Variants in BRD8 observed in about 807,000 individuals in gnomAD.
BRD8 encodes the protein bromodomain containing 8.
A neutral mutation model predicts 143.1 loss-of-function variants in BRD8; 67 were observed. The observed-to-expected ratio is 0.47, with a 90% confidence interval of 0.38 to 0.57. The LOEUF (loss-of-function observed/expected upper bound fraction) is 0.57. BRD8 is among the 20% of genes least tolerant of loss of function. BRD8 has a pLI of 0.00. For synonymous variants in BRD8, 505 were observed against 517.1 expected, an observed-to-expected ratio of 0.98 and a Z score of 0.32; for missense variants, 1,103 against 1,503.0, an observed-to-expected ratio of 0.73 and a Z score of 4.40.
Position 138,140,173 on chromosome 5 carries a change from G to A in BRD8, c.3616-7C>T. 1.3e-6 allele frequency: 2 copies of A among 1,598,682 alleles called. No homozygotes were observed. The highest frequency in any genetic ancestry group is 1.7e-6 in the Non-Finnish European group (2 of 1,166,166). On this transcript the variant is annotated splice_region_variant and splice_polypyrimidine_tract_variant and intron_variant, in intron 26 of 26. Coordinates refer to ENST00000254900, the MANE Select transcript of BRD8 (RefSeq NM_139199.2). ...CTAACCAGATATTCAGTACCTAAAG[G>A]GTTAAGGAACACATAGCAAGCTATT...
At chr5:138,174,309 C>A (rs937529939) in intron 2 of BRD8, among the ~76,000 whole-genome samples, 2 of 151,936 alleles carry the variant, frequency 1.3e-5, no homozygotes, top group African/African-American at 4.8e-5. Flanking sequence ...TAAATGTGTG[C>A]ACTGGCCGGG....
chr5:138,146,867 G>A (rs549312167), intron 23 of BRD8, among the ~76,000 whole-genome samples: 1 of 151,578 alleles, frequency 6.6e-6, no homozygotes, highest in South Asian at 2.1e-4. Flanking sequence ...CTACTTGGGA[G>A]GCTGAGGCAG....
rs1388971196 is a variant in BRD8 at position 138,166,032 on chromosome 5, A to C, written c.1074T>G (p.Ser358Arg). The change falls in exon 11 of 27, where the codon AGT (serine) becomes AGG (arginine). Residue 358 changes from serine to arginine, a missense_variant. By Grantham distance (110) the Ser-to-Arg change is moderately radical. Coordinates refer to ENST00000254900, the MANE Select transcript of BRD8 (RefSeq NM_139199.2). ...PHTVTVSMDS[S>R]EISMIINSIK... is the part of the protein sequence containing the mutation. ...TAGAATTGATGATCATGGATATTTCACTGCTGTCCATGGAAACAGTCACAG... is the reference window on the plus strand; with the variant it reads ...TAGAATTGATGATCATGGATATTTCCCTGCTGTCCATGGAAACAGTCACAG... 1 of 1,614,116 alleles carries C rather than the reference A, an allele frequency of 6.2e-7. No individual in the cohort carries two copies. Among genetic ancestry groups the C allele is most frequent in the Non-Finnish European group, 8.5e-7 (1 of 1,179,966 alleles).
Position 138,160,999 on chromosome 5 carries a change from C to T in BRD8, c.2319G>A (p.Gln773=), listed in dbSNP as rs1478341376. The change falls in exon 18 of 27, where the codon CAG becomes CAA. Residue 773 remains glutamine, a synonymous_variant. Coordinates refer to ENST00000254900, the MANE Select transcript of BRD8 (RefSeq NM_139199.2). ...NGLIRSTAEF[Q]RDIMLMFQNA... ...TCTGAAACATCAGCATAATGTCACGCTGAAATTCAGCTGTGCTTCGGATCA... is the reference window on the plus strand; with the variant it reads ...TCTGAAACATCAGCATAATGTCACGTTGAAATTCAGCTGTGCTTCGGATCA... 1 of 1,613,870 alleles carries T rather than the reference C, an allele frequency of 6.2e-7. No homozygotes were observed. Among genetic ancestry groups the T allele is most frequent in the South Asian group, 1.1e-5 (1 of 91,056 alleles).
chr5:138,152,244 C>T (rs1752402383), intron 21 of BRD8, among the ~76,000 whole-genome samples: 1 of 152,240 alleles, frequency 6.6e-6, no homozygotes. Context: ...CTGGCCTCAG[C>T]CTCCCAAAGT....
At chr5:138,165,726 CAAAAAAAAAA>C (rs374362323) in intron 11 of BRD8, 92 bp downstream of exon 11, 1 of 833,916 alleles carries the variant, frequency 1.2e-6, no homozygotes, top group Non-Finnish European at 1.6e-6. Flanking sequence ...ACTCTGTCTC[CAAAAAAAAAA>C]AAAAAAAAGC....
chr5:138,157,038 C>A, intron 20 of BRD8: 1 of 1,465,158 alleles, frequency 6.8e-7, no homozygotes, highest in Non-Finnish European at 9.0e-7. Flanking sequence ...TGCCCTAAAA[C>A]AGGCAATTGT....
At chr5:138,163,468 C>CAG in intron 14 of BRD8, 124 bp from the exon 15 acceptor site, 1 of 1,360,502 alleles carries the variant, frequency 7.4e-7, no homozygotes, top group Non-Finnish European at 1.0e-6. Flanking sequence ...TTTCCTGACT[C>CAG]AGCTGTCTAT....
At position 138,161,240 on chromosome 5, in the gene BRD8, T is replaced by C. The variant is rs116468778; in HGVS notation, c.2250-172A>G. On this transcript the variant is annotated intron_variant, in intron 17 of 26. Transcript: ENST00000254900. ...TGCACTTAACCCAAGAAACAATCTA[T>C]ATAATAAGCATTGAGAAAGGTAATA... The C allele has an allele frequency of 7.4e-4, 390 of 525,882 alleles. 2 individuals are homozygous for C. Among genetic ancestry groups the C allele is most frequent in the African/African-American group, 6.6e-3 (340 of 51,288 alleles). The allele number at this position is 525,882 out of a possible 1,614,324, so 32.6% of individuals were successfully genotyped here.
At chr5:138,175,642 C>T (rs1031941474) in intron 2 of BRD8, among the ~76,000 whole-genome samples, 1 of 151,128 alleles carries the variant, frequency 6.6e-6, no homozygotes, top group African/African-American at 2.4e-5. Context: ...GAGTTGGAGA[C>T]CAGCCTGGGG....
At chr5:138,176,097 CA>C (rs569355728) in intron 2 of BRD8, among the ~76,000 whole-genome samples, 43 of 151,994 alleles carry the variant, frequency 2.8e-4, no homozygotes, top group African/African-American at 9.7e-4. Context: ...AATTGTCTAT[CA>C]AGTGATGGAT....
At chr5:138,167,037 A>G (rs1561614620) in intron 9 of BRD8, 1 of 197,026 alleles carries the variant, frequency 5.1e-6, no homozygotes, top group South Asian at 7.4e-5. Flanking sequence ...CTTGAGGTCA[A>G]GAGTTTGAGA....
Position 138,150,828 on chromosome 5 carries a change from G to T in BRD8, c.3037C>A (p.Leu1013Met). ...ACCTCTGGCTTTCCATTTTCTCCCA[G>T]TGGCTTTTCAGCTACTAAGGGGTCT... ...KGDPLVAEKP[L>M]GENGKPEVAS... Residue 1013 changes from leucine to methionine, a missense_variant, in exon 22 of 27, where the codon CTG becomes ATG. Coordinates refer to ENST00000254900, the MANE Select transcript of BRD8 (RefSeq NM_139199.2). 6.2e-7 allele frequency: 1 copy of T among 1,614,208 alleles called. No homozygotes were observed. The highest frequency in any genetic ancestry group is 8.5e-7 in the Non-Finnish European group (1 of 1,180,046).
chr5:138,146,007 A>C (rs570098848), intron 23 of BRD8, 129 bp from the exon 24 acceptor site: 102 of 631,438 alleles, frequency 1.6e-4, no homozygotes, highest in Non-Finnish European at 2.4e-4. Flanking sequence ...ATCTCCCCTT[A>C]TCTGGCCAAG....
intron 18 of BRD8, 51 bp downstream of exon 18, chr5:138,160,840 T>G: frequency 6.7e-7 from 1 of 1,498,256 alleles, no homozygotes. Flanking sequence ...ATCCTCCCCT[T>G]GAAGTATTTT....
At position 138,166,515 on chromosome 5, in the gene BRD8, C is replaced by T; in HGVS notation, c.997+3G>A. The T allele has an allele frequency of 2.5e-6, 4 of 1,596,404 alleles. No individual in the cohort carries two copies. Among genetic ancestry groups the T allele is most frequent in the African/African-American group, 1.3e-5 (1 of 74,520 alleles). Reference sequence around the variant, plus strand: ...TAGATCTAGTGGCTGCTCAGGGACGCACCTGGAGCTACACTTTCAGTAGTG... The same window carrying T: ...TAGATCTAGTGGCTGCTCAGGGACGTACCTGGAGCTACACTTTCAGTAGTG... On this transcript the variant is annotated splice_donor_region_variant and intron_variant, in intron 10 of 26. Coordinates refer to ENST00000254900, the MANE Select transcript of BRD8 (RefSeq NM_139199.2).
chr5:138,166,917 G>A (rs1753473559), intron 9 of BRD8, 190 bp from the exon 10 acceptor site: 1 of 535,796 alleles, frequency 1.9e-6, no homozygotes, highest in African/African-American at 1.9e-5. Context: ...AGTTAGGAAT[G>A]AACCAAAGCA....
At chr5:138,145,036 C>A (rs1447797421) in intron 25 of BRD8, 141 bp downstream of exon 25, 1 of 815,258 alleles carries the variant, frequency 1.2e-6, no homozygotes, top group Non-Finnish European at 2.0e-6. Context: ...ATACTGAGCT[C>A]ATCATAACTT....
intron 20 of BRD8, among the ~76,000 whole-genome samples, chr5:138,153,864 C>T (rs773057741): frequency 1.8e-4 from 27 of 151,764 alleles, no homozygotes; most frequent in East Asian, 7.7e-4. Context: ...TTTATAGAGA[C>T]GGGGTTTCAC....
Sources: allele counts gnomAD v4.1 joint callset (sites outside exome capture counted in the v4.1 genomes callset), GRCh38; gene constraint gnomAD v4.1.1; transcripts MANE v1.5; gene names NCBI Gene and HGNC (gene_info 2026-07-23, HGNC 2026-07-21).